BRINP3: variants seen among roughly 807,000 people sequenced by gnomAD.
BRINP3 encodes the protein BMP/retinoic acid inducible neural specific 3.
In BRINP3, 19 loss-of-function variants were observed where a neutral mutation model predicts 71.0. The ratio of observed to expected loss-of-function variants is 0.27; its 90% CI spans 0.19 to 0.39. The LOEUF (loss-of-function observed/expected upper bound fraction) is 0.39. Among genes scored for constraint, BRINP3 ranks in the 10% least tolerant of loss-of-function variants. The pLI is 1.00. For synonymous variants in BRINP3, 380 were observed against 337.7 expected (o/e 1.13, Z -1.37); for missense variants, 959 against 940.8 (o/e 1.02, Z -0.25).
At chr1:190,099,227 T>C in intron 7 of BRINP3, 93 bp from the exon 8 acceptor site, 5 of 1,264,136 alleles carry the variant, frequency 4.0e-6, no homozygotes, top group Non-Finnish European at 5.4e-6. Flanking sequence ...CTATCATTTC[T>C]TCAGGTCATC....
chr1:190,203,662 C>T (rs1240908938), intron 6 of BRINP3, among the ~76,000 whole-genome samples: 2 of 147,002 alleles, frequency 1.4e-5, no homozygotes, highest in Non-Finnish European at 3.0e-5. Context: ...GTAGTTTCCC[C>T]TAGGAGATTT....
intron 7 of BRINP3, among the ~76,000 whole-genome samples, chr1:190,101,602 T>C (rs1306938918): frequency 6.6e-6 from 1 of 152,134 alleles, no homozygotes; most frequent in Non-Finnish European, 1.5e-5. Flanking sequence ...CTCTGTCCTC[T>C]CCTGTTTTTG....
intron 6 of BRINP3, among the ~76,000 whole-genome samples, chr1:190,167,658 A>G (rs1539473): frequency 0.12 from 18,820 of 152,192 alleles, 1,720 homozygotes; most frequent in South Asian, 0.26. Context: ...TGTTAAAGTT[A>G]CAAAGAACCG....
intron 2 of BRINP3, among the ~76,000 whole-genome samples, chr1:190,356,353 C>T (rs890600331): frequency 3.3e-5 from 5 of 151,702 alleles, no homozygotes; most frequent in Non-Finnish European, 4.4e-5. Flanking sequence ...TCCTATGACC[C>T]GATAAGAAGA....
At chr1:190,432,084 T>A (rs926643206) in intron 2 of BRINP3, among the ~76,000 whole-genome samples, 2 of 152,144 alleles carry the variant, frequency 1.3e-5, no homozygotes, top group African/African-American at 4.8e-5. Context: ...AATGGTGCAT[T>A]AGAAATAAAC....
At chr1:190,204,664 A>G (rs886943142) in intron 6 of BRINP3, among the ~76,000 whole-genome samples, 3 of 152,106 alleles carry the variant, frequency 2.0e-5, no homozygotes, top group Non-Finnish European at 1.5e-5. Context: ...TTCAAATATC[A>G]GATGGATAGG....
chr1:190,407,604 T>C (rs993719723), intron 2 of BRINP3, among the ~76,000 whole-genome samples: 2 of 152,200 alleles, frequency 1.3e-5, no homozygotes, highest in Non-Finnish European at 1.5e-5. Flanking sequence ...AATTTATTTA[T>C]TCAAACATGT....
intron 2 of BRINP3, among the ~76,000 whole-genome samples, chr1:190,397,768 T>C (rs1671672991): frequency 6.6e-6 from 1 of 151,794 alleles, no homozygotes; most frequent in Non-Finnish European, 1.5e-5. Context: ...ATAATTTTAA[T>C]TATTAAAAAT....
chr1:190,234,385 C>T lies in BRINP3; in HGVS notation c.711G>A (p.Lys237=), dbSNP rs1471383135. 4 of 1,609,340 alleles carry T rather than the reference C, an allele frequency of 2.5e-6. No homozygotes were observed. The highest frequency in any genetic ancestry group is 3.4e-6 in the Non-Finnish European group (4 of 1,177,206). Reference sequence around the variant, plus strand: ...TTACCAACATACCTTGCAACTGAATCTTATTCTCAGGACTCTGAACCAGAA... The same window carrying T: ...TTACCAACATACCTTGCAACTGAATTTTATTCTCAGGACTCTGAACCAGAA... ...SSVLVQSPEN[K]IQLQGLQVLL... is the part of the protein sequence containing the mutation. Residue 237 remains lysine, a synonymous_variant, in exon 5 of 8, where the codon AAG becomes AAA. Transcript: ENST00000367462.
chr1:190,377,160 C>T (rs1303498339), intron 2 of BRINP3, among the ~76,000 whole-genome samples: 1 of 151,918 alleles, frequency 6.6e-6, no homozygotes, highest in Non-Finnish European at 1.5e-5. Flanking sequence ...AAGCACATGC[C>T]TAACCACCCC....
At chr1:190,397,364 G>A (rs781146925) in intron 2 of BRINP3, among the ~76,000 whole-genome samples, 17 of 151,788 alleles carry the variant, frequency 1.1e-4, no homozygotes, top group Non-Finnish European at 2.4e-4. Context: ...GAAGTGTGTC[G>A]CTATGGCTCC....
intron 3 of BRINP3, among the ~76,000 whole-genome samples, chr1:190,273,763 T>C (rs1472965450): frequency 6.6e-6 from 1 of 151,600 alleles, no homozygotes; most frequent in East Asian, 1.9e-4. Context: ...ATTTTCTCAA[T>C]TGGCATTCTC....
intron 2 of BRINP3, among the ~76,000 whole-genome samples, chr1:190,331,874 T>C (rs1449318482): frequency 1.3e-5 from 2 of 152,076 alleles, no homozygotes; most frequent in African/African-American, 2.4e-5. Flanking sequence ...CTTTCCATTT[T>C]ATAGACATGT....
intron 2 of BRINP3, among the ~76,000 whole-genome samples, chr1:190,314,492 G>A (rs1453759933): frequency 6.6e-6 from 1 of 152,122 alleles, no homozygotes; most frequent in Non-Finnish European, 1.5e-5. Context: ...GAACAAAAGA[G>A]AGAAGCAGAG....
intron 7 of BRINP3, among the ~76,000 whole-genome samples, chr1:190,149,208 C>T (rs1656172903): frequency 6.6e-6 from 1 of 152,196 alleles, no homozygotes; most frequent in Non-Finnish European, 1.5e-5. Flanking sequence ...ACTAGTGAGT[C>T]AGTTCCAGGA....
At chr1:190,254,851 T>A (rs554354182) in intron 4 of BRINP3, among the ~76,000 whole-genome samples, 34 of 152,216 alleles carry the variant, frequency 2.2e-4, no homozygotes, top group African/African-American at 8.2e-4. Flanking sequence ...GTCTTGTGCC[T>A]GTTTTCAAAG....
At chr1:190,109,533 G>C (rs997035835) in intron 7 of BRINP3, among the ~76,000 whole-genome samples, 1 of 152,198 alleles carries the variant, frequency 6.6e-6, no homozygotes, top group Admixed American at 6.5e-5. Context: ...TGGATTAGGG[G>C]ATACGCAGAT....
At chr1:190,235,097 T>C (rs1658387393) in intron 4 of BRINP3, among the ~76,000 whole-genome samples, 1 of 152,100 alleles carries the variant, frequency 6.6e-6, no homozygotes. Flanking sequence ...TTTCTCAACT[T>C]TGACTAATCA....
rs2102739514 is a variant in BRINP3, at chr1:190,234,384, T to C, written c.712A>G (p.Ile238Val). The change falls in exon 5 of 8, where the codon ATT (isoleucine) becomes GTT (valine). Residue 238 changes from isoleucine to valine, a missense_variant. Transcript: ENST00000367462. Reference sequence around the variant, plus strand: ...TTTACCAACATACCTTGCAACTGAATCTTATTCTCAGGACTCTGAACCAGA... The same window carrying C: ...TTTACCAACATACCTTGCAACTGAACCTTATTCTCAGGACTCTGAACCAGA... ...SVLVQSPENK[I>V]QLQGLQVLLP... The C allele has an allele frequency of 6.2e-7, 1 of 1,609,632 alleles. No individual in the cohort carries two copies. Among genetic ancestry groups the C allele is most frequent in the Non-Finnish European group, 8.5e-7 (1 of 1,177,214 alleles).
Sources: gnomAD v4.1 joint callset for allele counts (sites outside exome capture counted in the v4.1 genomes callset) on GRCh38, gnomAD v4.1.1 for gene constraint, MANE v1.5 for transcripts, NCBI Gene and HGNC (gene_info 2026-07-23, HGNC 2026-07-21) for gene names.